SYDE2: variants seen among roughly 807,000 people sequenced by gnomAD.
SYDE2 encodes rho GTPase-activating protein SYDE2.
In SYDE2, 76 loss-of-function variants were observed where a neutral mutation model predicts 91.5. The ratio of observed to expected loss-of-function variants is 0.83; its 90% confidence interval spans 0.69 to 1.01. SYDE2 has a LOEUF of 1.01. Ranked by LOEUF, SYDE2 falls within the 50% of genes least tolerant of loss-of-function variation. The pLI, the probability that SYDE2 is intolerant of heterozygous loss-of-function variation, is 0.00. For synonymous variants in SYDE2, 513 were observed against 506.4 expected, an observed-to-expected ratio of 1.01 and a Z score of -0.18; for missense variants, 1,364 against 1,367.7, an observed-to-expected ratio of 1.00 and a Z score of 0.04.
intron 5 of SYDE2, among the ~76,000 whole-genome samples, chr1:85,166,049 A>C (rs1001826273): frequency 6.6e-6 from 1 of 151,680 alleles, no homozygotes; most frequent in Non-Finnish European, 1.5e-5. Flanking sequence ...ATTTTTAAAA[A>C]TTTTTTTGTA....
At chr1:85,154,721 T>G (rs951394909), downstream of SYDE2, among the ~76,000 whole-genome samples, 2 of 151,718 alleles carry the variant, frequency 1.3e-5, no homozygotes, top group Non-Finnish European at 2.9e-5. Context: ...TCCAACCATA[T>G]CTCACCATCT....
intron 6 of SYDE2, chr1:85,161,259 C>T (rs1657046935): frequency 8.3e-6 from 2 of 242,258 alleles, no homozygotes; most frequent in African/African-American, 4.6e-5. Context: ...ATCCTTTTAT[C>T]TATAATTACC....
At chr1:85,163,334 C>CTGACCTTG (rs1404229771) in intron 6 of SYDE2, among the ~76,000 whole-genome samples, 114 of 151,106 alleles carry the variant, frequency 7.5e-4, no homozygotes, top group Middle Eastern at 6.8e-3. Flanking sequence ...TCTCAAACTC[C>CTGACCTTG]TGACCTTGTG....
chr1:85,170,021 CA>C (rs1345994070), intron 4 of SYDE2, among the ~76,000 whole-genome samples: 1 of 151,654 alleles, frequency 6.6e-6, no homozygotes, highest in Admixed American at 6.6e-5. Flanking sequence ...CTCCTAACAC[CA>C]AAACCTAAAT....
rs1448053896 is a variant in SYDE2 at position 85,182,446 on chromosome 1, G to A, written c.2196C>T (p.Phe732=). ...GTTGTGCATTTTCAATTTCTATGTT[G>A]AAAGTGTGATCCATGTCTAAAAATG... ...RTTFLDMDHT[F]NIEIENAQHL... The change falls in exon 3 of 7, where the codon TTC becomes TTT. Residue 732 remains phenylalanine, a synonymous_variant. Transcript: ENST00000341460. 6.2e-7 allele frequency: 1 copy of A among 1,613,390 alleles called. No individual in the cohort carries two copies. Among genetic ancestry groups the A allele is most frequent in the Non-Finnish European group, 8.5e-7 (1 of 1,179,660 alleles).
intron 1 of SYDE2, chr1:85,194,828 A>G: frequency 5.1e-6 from 5 of 985,366 alleles, no homozygotes; most frequent in Non-Finnish European, 6.0e-6. Context: ...GCCATCAGCA[A>G]ATTTTCCAAG....
Position 85,190,289 on chromosome 1 carries a change from A to G in SYDE2, c.1209T>C (p.Asn403=), listed in dbSNP as rs374960245. ...GGTCACTGCCAGACAACATGCTCAA[A>G]TTGACAGCAGGGAGCTTCAGAACAG... The part of the protein sequence containing the change: ...DSAVLKLPAV[N]LSMLSGSDLM... Residue 403 remains asparagine (N), a synonymous_variant, in exon 2 of 7, where the codon AAT becomes AAC. Coordinates refer to ENST00000341460, the MANE Select transcript of SYDE2 (RefSeq NM_032184.2). 1.5e-5 allele frequency: 25 copies of G among 1,613,868 alleles called. No individual in the cohort carries two copies. The highest frequency in any genetic ancestry group is 2.0e-5 in the Non-Finnish European group (24 of 1,179,910).
chr1:85,183,182 G>T lies in SYDE2; in HGVS notation c.1460C>A (p.Ala487Asp), dbSNP rs1164209218. 5 of 1,571,030 alleles carry T rather than the reference G, an allele frequency of 3.2e-6. No individual in the cohort carries two copies. Among genetic ancestry groups the T allele is most frequent in the Admixed American group, 2.0e-5 (1 of 49,468 alleles). ...SPFAGSGILAATNSTELGIME... is the reference protein window; with the variant it reads ...SPFAGSGILADTNSTELGIME... ...AATTCCCAATTCAGTACTATTTGTA[G>T]CAGCCAGGATCCCAGAACCTTAAAA... The change falls in exon 3 of 7, where the codon GCT becomes GAT. Residue 487 changes from alanine (A) to aspartate (D), a missense_variant. Coordinates refer to ENST00000341460, the MANE Select transcript of SYDE2 (RefSeq NM_032184.2).
chr1:85,173,822 CTTA>C (rs1433824154), intron 4 of SYDE2, among the ~76,000 whole-genome samples: 2 of 152,086 alleles, frequency 1.3e-5, no homozygotes, highest in Non-Finnish European at 2.9e-5. Context: ...CATGAAAACA[CTTA>C]TTATAACTGT....
At chr1:85,175,890 A>C (rs376132517) in intron 4 of SYDE2, among the ~76,000 whole-genome samples, 4 of 152,292 alleles carry the variant, frequency 2.6e-5, no homozygotes, top group African/African-American at 9.6e-5. Flanking sequence ...CTTCTGAAAA[A>C]CAGCTTTACC....
intron 6 of SYDE2, chr1:85,160,421 G>C (rs942867947): frequency 4.5e-6 from 4 of 890,456 alleles, no homozygotes; most frequent in African/African-American, 3.6e-5. Flanking sequence ...CATTTCTATT[G>C]CATTTTAAAG....
chr1:85,178,857 G>A (rs1041958131), intron 3 of SYDE2, among the ~76,000 whole-genome samples: 2 of 151,474 alleles, frequency 1.3e-5, no homozygotes, highest in African/African-American at 4.8e-5. Context: ...TGATTATAAA[G>A]TGATGGAGGA....
Position 85,182,817 on chromosome 1 carries a change from A to T in SYDE2, c.1825T>A (p.Ser609Thr). Residue 609 changes from serine (S) to threonine (T), a missense_variant, in exon 3 of 7, where the codon TCT becomes ACT. By Grantham distance (58) the Ser-to-Thr change is moderately conservative (BLOSUM62 1). Transcript: ENST00000341460. ...TTGCAGGAATACTTAGAACTCATAG[A>T]GTTTTTCTTCTGGTAGCTCTGCTGG... ...SSQQSYQKKNSMSSKYSCKGG... is the reference protein window; with the variant it reads ...SSQQSYQKKNTMSSKYSCKGG... 6.2e-7 allele frequency: 1 copy of T among 1,613,920 alleles called. No individual in the cohort carries two copies. The highest frequency in any genetic ancestry group is 8.5e-7 in the Non-Finnish European group (1 of 1,179,864).
Position 85,182,268 on chromosome 1 carries a change from C to G in SYDE2, c.2374G>C (p.Val792Leu), listed in dbSNP as rs769467765. 6.2e-7 allele frequency: 1 copy of G among 1,612,974 alleles called. No individual in the cohort carries two copies. Among genetic ancestry groups the G allele is most frequent in the Non-Finnish European group, 8.5e-7 (1 of 1,179,558 alleles). ...LEPRGLIYVK[V>L]TLMEQWENSL... ...TTCTCCCACTGTTCCATAAGAGTCA[C>G]TTTCACATAAATAAGACCTCTAGGT... The change falls in exon 3 of 7, where the codon GTG becomes CTG. Residue 792 changes from valine (V) to leucine (L), a missense_variant. By Grantham distance (32) the Val-to-Leu change is conservative. Coordinates refer to ENST00000341460, the MANE Select transcript of SYDE2 (RefSeq NM_032184.2).
At position 85,200,799 on chromosome 1, in the gene SYDE2, C is replaced by T; in HGVS notation, c.198G>A (p.Gln66=). 6.8e-7 allele frequency: 1 copy of T among 1,470,652 alleles called. No homozygotes were observed. The highest frequency in any genetic ancestry group is 8.9e-7 in the Non-Finnish European group (1 of 1,119,038). 91.1% of individuals were successfully genotyped at this position (1,470,652 alleles called of 1,614,324 possible). A position where few individuals can be genotyped will look rare whatever the true frequency, so the allele number is the denominator to read the frequency against. The change falls in exon 1 of 7, where the codon CAG becomes CAA. Residue 66 remains glutamine, a synonymous_variant. Transcript: ENST00000341460. ...GCAGCTGGCCTCCCCGCGGCTCCCT[C>T]TGAGGCGACCGGGGCGGGGACACCT... The part of the protein sequence containing the change: ...RQQVSPPRSP[Q]REPRGGQLRT...
chr1:85,189,327 G>A (rs531008174), intron 2 of SYDE2, among the ~76,000 whole-genome samples: 59 of 152,244 alleles, frequency 3.9e-4, no homozygotes, highest in Admixed American at 7.2e-4. Flanking sequence ...TTTTGCTCAT[G>A]AGGAAACTTA....
chr1:85,182,102 C>G lies in SYDE2; in HGVS notation c.2540G>C (p.Cys847Ser). 6.3e-7 allele frequency: 1 copy of G among 1,580,736 alleles called. No individual in the cohort carries two copies. The highest frequency in any genetic ancestry group is 8.6e-7 in the Non-Finnish European group (1 of 1,167,584). The change falls in exon 3 of 7, where the codon TGT becomes TCT. Residue 847 changes from cysteine to serine, a missense_variant. By Grantham distance (112) the Cys-to-Ser change is moderately radical. Transcript: ENST00000341460. ...KCIMEIEKRG[C>S]QVVGLYRLCG... ...GGAACCATAGTAAGATAATACCTGA[C>G]AGCCTCTCTTTTCAATTTCCATAAT...
rs1463893305 is a variant in SYDE2 at position 85,200,679 on chromosome 1, G to A, written c.318C>T (p.Ser106=). 6 of 1,537,204 alleles carry A rather than the reference G, an allele frequency of 3.9e-6. No individual in the cohort carries two copies. Among genetic ancestry groups the A allele is most frequent in the Non-Finnish European group, 5.2e-6 (6 of 1,147,032 alleles). Residue 106 remains serine, a synonymous_variant, in exon 1 of 7, where the codon AGC becomes AGT. Transcript: ENST00000341460. ...CCCGGTGCGCGCCGCACCTGATCCA[G>A]CTGTCGCTCGGCCACCGCTGGAAGG... The part of the protein sequence containing the change: ...PPPFQRWPSD[S]WIRCGAHRDW...
In SYDE2 at chr1:85,190,718, C is replaced by T. The variant is rs768758917; in HGVS notation, c.780G>A (p.Lys260=). Residue 260 remains lysine (K), a synonymous_variant, in exon 2 of 7, where the codon AAG becomes AAA. Coordinates refer to ENST00000341460, the MANE Select transcript of SYDE2 (RefSeq NM_032184.2). ...LFENAYGSSM[K]GRELEELKDN... ...CCTTCAGCTCTTCAAGTTCTCTTCC[C>T]TTCATTGAAGACCCATAGGCATTTT... 5.0e-5 allele frequency: 81 copies of T among 1,611,700 alleles called. No individual in the cohort carries two copies. Among genetic ancestry groups the T allele is most frequent in the Non-Finnish European group, 5.1e-6 (6 of 1,179,108 alleles).
Sources: allele counts gnomAD v4.1 joint callset (sites outside exome capture counted in the v4.1 genomes callset), GRCh38; gene constraint gnomAD v4.1.1; transcripts MANE v1.5; gene names NCBI Gene and HGNC (gene_info 2026-07-23, HGNC 2026-07-21).